SLC16A2: variants seen among roughly 807,000 people sequenced by gnomAD.
SLC16A2 encodes monocarboxylate transporter 8.
A neutral mutation model predicts 27.2 loss-of-function variants in SLC16A2; 3 were observed. The observed-to-expected ratio is 0.11, with a 90% CI of 0.05 to 0.28. The LOEUF (loss-of-function observed/expected upper bound fraction) is 0.28. Ranked by LOEUF, SLC16A2 falls within the 10% of genes least tolerant of loss-of-function variation. The probability of loss-of-function intolerance (pLI) is 1.00; values close to 1 mark genes in which losing one functional copy is unlikely to be tolerated. For missense variants in SLC16A2, 295 were observed against 458.5 expected, an observed-to-expected ratio of 0.64 and a Z score of 3.26; for synonymous variants, 202 against 187.8, an observed-to-expected ratio of 1.08 and a Z score of -0.62.
At chrX:74,473,290 C>T in intron 1 of SLC16A2, 1 of 592,095 alleles carries the variant, frequency 1.7e-6, no homozygotes, top group Admixed American at 2.3e-5. Context: ...GCCACCAAAG[C>T]CACCATGACA....
At chrX:74,489,190 T>C (rs926399931) in intron 1 of SLC16A2, among the ~76,000 whole-genome samples, 1 of 112,161 alleles carries the variant, frequency 8.9e-6, no homozygotes, top group Non-Finnish European at 1.9e-5. Context: ...ACTTCCCTGT[T>C]AACCATTTTG....
chrX:74,519,178 T>A (rs1348098369), intron 1 of SLC16A2, among the ~76,000 whole-genome samples: 1 of 109,934 alleles, frequency 9.1e-6, no homozygotes, highest in Non-Finnish European at 1.9e-5. Context: ...TAATTTTATC[T>A]GATTTTTTTT....
At chrX:74,438,023 T>A (rs1928657893) in intron 1 of SLC16A2, among the ~76,000 whole-genome samples, 1 of 112,421 alleles carries the variant, frequency 8.9e-6, no homozygotes, top group Admixed American at 9.4e-5. Context: ...GCTCTCTTTT[T>A]AAAAATGGAA....
intron 1 of SLC16A2, among the ~76,000 whole-genome samples, chrX:74,437,966 G>C (rs1159041284): frequency 8.9e-5 from 10 of 111,936 alleles, no homozygotes; most frequent in Non-Finnish European, 7.5e-5. Context: ...CAACCTAAAG[G>C]CTACTTTCCA....
At chrX:74,425,931 G>C (rs1030978917) in intron 1 of SLC16A2, among the ~76,000 whole-genome samples, 2 of 111,774 alleles carry the variant, frequency 1.8e-5, no homozygotes, top group African/African-American at 6.5e-5. Flanking sequence ...AGGGACAATG[G>C]TCAGGAAGGT....
intron 1 of SLC16A2, among the ~76,000 whole-genome samples, chrX:74,479,965 C>T (rs765836623): frequency 8.9e-6 from 1 of 112,276 alleles, no homozygotes; most frequent in African/African-American, 3.2e-5. Context: ...TGTCCATTCT[C>T]AGATCTCAAG....
chrX:74,442,357 A>C (rs1436139450), intron 1 of SLC16A2, among the ~76,000 whole-genome samples: 2 of 111,373 alleles, frequency 1.8e-5, no homozygotes, highest in African/African-American at 6.5e-5. Flanking sequence ...TTGCTAATGA[A>C]GCTAAAATCC....
At chrX:74,512,461 ATC>A (rs1444643802) in intron 1 of SLC16A2, among the ~76,000 whole-genome samples, 3 of 112,125 alleles carry the variant, frequency 2.7e-5, no homozygotes, top group Non-Finnish European at 5.6e-5. Flanking sequence ...CAGCCACCTT[ATC>A]TCTCTTCCTA....
At chrX:74,522,057 A>T (rs897728829) in intron 2 of SLC16A2, among the ~76,000 whole-genome samples, 1 of 112,051 alleles carries the variant, frequency 8.9e-6, no homozygotes, top group Admixed American at 9.4e-5. Context: ...TTTGGAAGTT[A>T]TGGTACCTCC....
At chrX:74,509,077 C>G (rs1307107013) in intron 1 of SLC16A2, among the ~76,000 whole-genome samples, 1 of 111,297 alleles carries the variant, frequency 9.0e-6, no homozygotes, top group East Asian at 2.8e-4. Context: ...ATCCTACTGA[C>G]TCAGCCTCTT....
chrX:74,524,338 C>G (rs746406653), intron 2 of SLC16A2, 21 bp from the exon 3 acceptor site: 1 of 1,207,337 alleles, frequency 8.3e-7, no homozygotes, highest in Admixed American at 2.2e-5. Flanking sequence ...CTGAGGACAG[C>G]TCTTGGTATT....
At chrX:74,432,564 A>T (rs1928552927) in intron 1 of SLC16A2, among the ~76,000 whole-genome samples, 1 of 111,919 alleles carries the variant, frequency 8.9e-6, no homozygotes, top group Admixed American at 9.5e-5. Context: ...CAAATATACT[A>T]GGGCTCACCA....
intron 1 of SLC16A2, among the ~76,000 whole-genome samples, chrX:74,453,991 T>C (rs1928993405): frequency 8.9e-6 from 1 of 112,033 alleles, no homozygotes; most frequent in South Asian, 3.7e-4. Flanking sequence ...CATTTATCAT[T>C]TCTTCCTGTT....
chrX:74,453,837 C>T (rs1468517514), intron 1 of SLC16A2, among the ~76,000 whole-genome samples: 1 of 111,536 alleles, frequency 9.0e-6, no homozygotes, highest in African/African-American at 3.3e-5. Flanking sequence ...GGACCACACG[C>T]GTGTGCCACT....
chrX:74,423,610 A>G (rs997099540), intron 1 of SLC16A2, among the ~76,000 whole-genome samples: 1 of 111,807 alleles, frequency 8.9e-6, no homozygotes, highest in Non-Finnish European at 1.9e-5. Flanking sequence ...ACCCAGGCCC[A>G]CTGTGATGCT....
intron 1 of SLC16A2, among the ~76,000 whole-genome samples, chrX:74,479,845 G>A (rs1929577026): frequency 8.9e-6 from 1 of 111,797 alleles, no homozygotes; most frequent in Non-Finnish European, 1.9e-5. Flanking sequence ...TCCTCTGGAA[G>A]TTTTGTCTCA....
At chrX:74,523,068 C>T (rs1314290828) in intron 2 of SLC16A2, among the ~76,000 whole-genome samples, 1 of 111,720 alleles carries the variant, frequency 9.0e-6, no homozygotes, top group Non-Finnish European at 1.9e-5. Context: ...CTGGCCCCTT[C>T]CCTGAAGGTC....
chrX:74,430,306 T>G (rs751977631), intron 1 of SLC16A2, among the ~76,000 whole-genome samples: 3 of 111,706 alleles, frequency 2.7e-5, no homozygotes, highest in Non-Finnish European at 3.8e-5. Context: ...ACAGTCTGAG[T>G]TTAGAACTCC....
Position 74,470,232 on chromosome X carries a change from G to A in SLC16A2, c.430+48165G>A, listed in dbSNP as rs144667248. Reference sequence around the variant, plus strand: ...CATTCACCTACCGAAGGAAATCTTGGTTGCTTCCAAGTTTTGGCAATTATG... The same window carrying A: ...CATTCACCTACCGAAGGAAATCTTGATTGCTTCCAAGTTTTGGCAATTATG... On this transcript the variant is annotated intron_variant, in intron 1 of 5. Transcript: ENST00000587091. 1.6e-3 allele frequency among the ~76,000 whole-genome samples: 181 copies of A among 112,488 alleles called. 1 individual carries two copies. Among genetic ancestry groups the A allele is most frequent in the African/African-American group, 5.4e-3 (167 of 30,982 alleles).
Sources: allele counts gnomAD v4.1 joint callset (sites outside exome capture counted in the v4.1 genomes callset), GRCh38; gene constraint gnomAD v4.1.1; transcripts MANE v1.5; gene names NCBI Gene and HGNC (gene_info 2026-07-23, HGNC 2026-07-21).